Variants in RBFOX1 observed in about 807,000 individuals in gnomAD.
RBFOX1 encodes the protein RNA binding protein fox-1 homolog 1.
A neutral mutation model predicts 57.7 loss-of-function variants in RBFOX1; 8 were observed. The ratio of observed to expected loss-of-function variants is 0.14; its 90% CI spans 0.08 to 0.25. The LOEUF (loss-of-function observed/expected upper bound fraction) is 0.25. Ranked by LOEUF, RBFOX1 falls within the 10% of genes least tolerant of loss-of-function variation. The pLI is 1.00. For missense variants in RBFOX1, 611 were observed against 548.5 expected (o/e 1.11, Z -1.14); for synonymous variants, 326 against 222.4 (o/e 1.47, Z -4.15).
chr16:7,003,959 A>G (rs1373995509), intron 3 of RBFOX1: 3 of 149,994 alleles, frequency 2.0e-5, no homozygotes, highest in African/African-American at 7.4e-5. Context: ...TTAAAAAAAC[A>G]TCCCATTTTC....
intron 1 of RBFOX1, among the ~76,000 whole-genome samples, chr16:6,141,965 A>G (rs1305675818): frequency 6.6e-6 from 1 of 151,664 alleles, no homozygotes; most frequent in Non-Finnish European, 1.5e-5. Flanking sequence ...AGGCTGAGGC[A>G]GAAGAATGGT....
At chr16:7,402,794 G>A (rs1373684246) in intron 4 of RBFOX1, among the ~76,000 whole-genome samples, 1 of 152,190 alleles carries the variant, frequency 6.6e-6, no homozygotes, top group Non-Finnish European at 1.5e-5. Flanking sequence ...AACCTCAACA[G>A]CAGGGATAGC....
At chr16:6,562,880 C>CTTTCTTTCTTTCTTTCTTTCTTTT (rs746999419) in intron 2 of RBFOX1, among the ~76,000 whole-genome samples, 1 of 51,776 alleles carries the variant, frequency 1.9e-5, no homozygotes. Flanking sequence ...TTCTTTCTTT[C>CTTTCTTTCTTTCTTTCTTTCTTTT]TTTTTTTTTT....
intron 4 of RBFOX1, among the ~76,000 whole-genome samples, chr16:7,163,853 T>C (rs1042615773): frequency 6.6e-6 from 1 of 152,038 alleles, no homozygotes; most frequent in African/African-American, 2.4e-5. Flanking sequence ...AGAGATGAAG[T>C]TTTACCATGT....
intron 4 of RBFOX1, among the ~76,000 whole-genome samples, chr16:7,356,802 A>G (rs1402859885): frequency 6.6e-6 from 1 of 152,234 alleles, no homozygotes; most frequent in African/African-American, 2.4e-5. Flanking sequence ...CAGTGATGGA[A>G]GGAAGGGTTT....
At chr16:5,930,234 G>C (rs1281848033) in intron 4 of RBFOX1, among the ~76,000 whole-genome samples, 5 of 124,378 alleles carry the variant, frequency 4.0e-5, no homozygotes, top group African/African-American at 3.0e-5. Flanking sequence ...TGGATGGATG[G>C]ATGGATGGAT....
chr16:7,468,545 GA>G (rs1331940429), intron 4 of RBFOX1, among the ~76,000 whole-genome samples: 3 of 149,226 alleles, frequency 2.0e-5, no homozygotes, highest in Admixed American at 6.7e-5. Context: ...TATTAACACT[GA>G]TACACATGGA....
chr16:6,410,479 T>A (rs960565625), intron 2 of RBFOX1, among the ~76,000 whole-genome samples: 2 of 151,706 alleles, frequency 1.3e-5, no homozygotes, highest in African/African-American at 2.4e-5. Flanking sequence ...GCACGGCTAA[T>A]TTTTTGTATT....
chr16:6,964,304 C>A (rs201331044), intron 3 of RBFOX1, among the ~76,000 whole-genome samples: 2 of 152,192 alleles, frequency 1.3e-5, no homozygotes, highest in African/African-American at 4.8e-5. Context: ...TAGGCATGAG[C>A]TGTTGTGCCT....
chr16:5,997,818 G>A (rs1337650726), intron 4 of RBFOX1, among the ~76,000 whole-genome samples: 1 of 152,130 alleles, frequency 6.6e-6, no homozygotes, highest in East Asian at 1.9e-4. Context: ...TGGTTCTCAT[G>A]TAGTTTAATG....
chr16:5,914,346 C>T (rs768988549), intron 4 of RBFOX1, among the ~76,000 whole-genome samples: 3 of 152,150 alleles, frequency 2.0e-5, no homozygotes, highest in Non-Finnish European at 4.4e-5. Flanking sequence ...GCTGGGTTCC[C>T]CTGGTGCAGG....
chr16:6,547,637 C>T (rs767300021), intron 2 of RBFOX1, among the ~76,000 whole-genome samples: 1 of 152,124 alleles, frequency 6.6e-6, no homozygotes, highest in Non-Finnish European at 1.5e-5. Context: ...GACTTACAGA[C>T]TTCTAGAAAT....
intron 4 of RBFOX1, among the ~76,000 whole-genome samples, chr16:7,205,766 G>A (rs981008678): frequency 1.3e-5 from 2 of 152,256 alleles, no homozygotes; most frequent in Admixed American, 6.5e-5. Context: ...AAGGGCAAAA[G>A]TGAGTGCAGG....
chr16:7,129,447 T>A (rs1416252091), intron 4 of RBFOX1, among the ~76,000 whole-genome samples: 1 of 152,102 alleles, frequency 6.6e-6, no homozygotes, highest in East Asian at 1.9e-4. Flanking sequence ...AGAGATCAGG[T>A]GACAAAATAA....
chr16:5,421,607 A>G (rs1399089192), intron 1 of RBFOX1, among the ~76,000 whole-genome samples: 2 of 152,230 alleles, frequency 1.3e-5, no homozygotes, highest in East Asian at 3.9e-4. Flanking sequence ...GAAGAAAATC[A>G]ATCACCCCCA....
At chr16:6,802,459 C>G (rs981627586) in intron 3 of RBFOX1, among the ~76,000 whole-genome samples, 2 of 152,106 alleles carry the variant, frequency 1.3e-5, no homozygotes, top group Non-Finnish European at 2.9e-5. Flanking sequence ...GGCACATCAC[C>G]TGAGGTCAGG....
Position 5,678,069 on chromosome 16 carries a change from G to A in RBFOX1, c.318+79108G>A, listed in dbSNP as rs78854638. On this transcript the variant is annotated intron_variant, in intron 3 of 19. Transcript: ENST00000641259. ...AGGGATTCACTATTGTGTTGGTGTC[G>A]ATGAATGTCAGGAATATTAAAAATA... Among the ~76,000 whole-genome samples the A allele has an allele frequency of 8.4e-3, 1,284 of 152,176 alleles. 14 individuals carry two copies. Among genetic ancestry groups the A allele is most frequent in the African/African-American group, 0.029 (1,187 of 41,504 alleles).
intron 4 of RBFOX1, among the ~76,000 whole-genome samples, chr16:7,099,876 C>T (rs1405429400): frequency 6.6e-6 from 1 of 151,998 alleles, no homozygotes; most frequent in Non-Finnish European, 1.5e-5. Context: ...CTCTAAGTAG[C>T]AGGTTTTAGG....
intron 1 of RBFOX1, among the ~76,000 whole-genome samples, chr16:5,306,949 A>T (rs1485938348): frequency 6.6e-6 from 1 of 152,114 alleles, no homozygotes; most frequent in Non-Finnish European, 1.5e-5. Flanking sequence ...GGTGAGGCTT[A>T]TTTCACCTTC....
Sources: gnomAD v4.1 joint callset for allele counts (sites outside exome capture counted in the v4.1 genomes callset) on GRCh38, gnomAD v4.1.1 for gene constraint, MANE v1.5 for transcripts, NCBI Gene and HGNC (gene_info 2026-07-23, HGNC 2026-07-21) for gene names.